The following BOD1L1 variants were observed in gnomAD, a reference collection of about 807,000 sequenced individuals.
BOD1L1 encodes biorientation of chromosomes in cell division protein 1-like 1.
In BOD1L1, 86 loss-of-function variants were observed where a neutral mutation model predicts 240.7. The observed-to-expected ratio is 0.36, with a 90% CI of 0.30 to 0.43. The LOEUF (loss-of-function observed/expected upper bound fraction) is 0.43, where lower values mean the gene tolerates loss of function less well. Ranked by LOEUF, BOD1L1 falls within the 20% of genes least tolerant of loss-of-function variation. The probability of loss-of-function intolerance (pLI) is 1.00; values close to 1 mark genes in which losing one functional copy is unlikely to be tolerated. For missense variants in BOD1L1, 3,554 were observed against 3,643.5 expected (o/e 0.98, Z 0.63); for synonymous variants, 1,268 against 1,272.3 (o/e 1.00, Z 0.07).
chr4:13,591,956 C>T lies in BOD1L1; in HGVS notation c.8115G>A (p.Gln2705=). The T allele has an allele frequency of 6.4e-7, 1 of 1,560,492 alleles. No individual in the cohort carries two copies. The highest frequency in any genetic ancestry group is 2.0e-5 in the Admixed American group (1 of 51,224). Residue 2705 remains glutamine (Q), a synonymous_variant, in exon 13 of 26, where the codon CAG becomes CAA. Transcript: ENST00000040738. ...GGKPSGIAEL[Q]REPLLVNESL... is the part of the protein sequence containing the mutation. The stretch of plus-strand genomic sequence containing the variant: ...ATTCATTCACCAACAAAGGCTCCCT[C>T]TGGAGTTCAGCTGTTCAAAAATAAA...
chr4:13,595,801 T>C, intron 12 of BOD1L1, 59 bp downstream of exon 12: 3 of 1,435,736 alleles, frequency 2.1e-6, no homozygotes. Context: ...TTTAGAAAGG[T>C]AAAACCACAT....
Position 13,613,522 on chromosome 4 carries a change from A to C in BOD1L1, c.1314T>G (p.Ile438Met). 6.2e-7 allele frequency: 1 copy of C among 1,611,116 alleles called. No individual in the cohort carries two copies. ...TGTAAAATGCTTTACCATCTGACGT[A>C]ATCTCTCCTTCTTCCATGCTATCAG... ...VTSDSMEEGE[I>M]TSDDEEKNKQ... Residue 438 changes from isoleucine to methionine, a missense_variant, in exon 5 of 26, where the codon ATT becomes ATG. Ile to Met is a conservative substitution (Grantham distance 10). This residue lies in a region of BOD1L1 where 3,393 missense variants were observed against 3,427.1 expected (regional missense o/e 0.99). Transcript: ENST00000040738. This position sits in a 1 kb window ranked among gnomAD's most constrained non-coding sequence, Gnocchi z 4.0.
Position 13,611,002 on chromosome 4 carries a change from A to G in BOD1L1, c.1423T>C (p.Tyr475His), listed in dbSNP as rs1422446571. 1.2e-6 allele frequency: 2 copies of G among 1,612,668 alleles called. No individual in the cohort carries two copies. The highest frequency in any genetic ancestry group is 1.7e-6 in the Non-Finnish European group (2 of 1,179,142). ...SVRHAYVHKP[Y>H]LYSKYYSDSD... ...TCACTATAGTATTTTGAGTAAAGAT[A>G]TGGTTTGTGGACATACGCATGCCGT... is the stretch of plus-strand genomic sequence containing the variant. The change falls in exon 6 of 26, where the codon TAT (tyrosine) becomes CAT (histidine). Residue 475 changes from tyrosine to histidine, a missense_variant. This residue lies in a region of BOD1L1 where 3,393 missense variants were observed against 3,427.1 expected (regional missense o/e 0.99). Coordinates refer to ENST00000040738, the MANE Select transcript of BOD1L1 (RefSeq NM_148894.3).
rs756166010 is a variant in BOD1L1 at position 13,581,165 on chromosome 4, G to A, written c.8635C>T (p.Arg2879Cys). Residue 2879 changes from arginine to cysteine, a missense_variant, in exon 20 of 26, where the codon CGC becomes TGC. Coordinates refer to ENST00000040738, the MANE Select transcript of BOD1L1 (RefSeq NM_148894.3). ...IIIKRKRGRP[R>C]KYPVETTLKM... ...AACGTTGTTTCTACAGGGTATTTGC[G>A]AGGTCTTCCTCTTTTCCTTTTAATA... 6 of 1,576,966 alleles carry A rather than the reference G, an allele frequency of 3.8e-6. No homozygotes were observed. The highest frequency in any genetic ancestry group is 1.3e-5 in the African/African-American group (1 of 74,372).
At chr4:13,606,606 G>A (rs1458739217) in intron 9 of BOD1L1, among the ~76,000 whole-genome samples, 1 of 152,072 alleles carries the variant, frequency 6.6e-6, no homozygotes. Context: ...AAAATATAAG[G>A]ACATGCTTAA....
In BOD1L1 at chr4:13,609,323, C is replaced by G. The variant is rs1359930261; in HGVS notation, c.1575G>C (p.Lys525Asn). The change falls in exon 7 of 26, where the codon AAG (lysine) becomes AAC (asparagine). Residue 525 changes from lysine to asparagine, a missense_variant. Physicochemically the swap from Lys to Asn is moderately conservative, Grantham distance 94. Coordinates refer to ENST00000040738, the MANE Select transcript of BOD1L1 (RefSeq NM_148894.3). ...LEEKRKQKAE[K>N]TKSSKTKGQG... ...GACCCTTGGTTTTTGAAGACTTTGT[C>G]TTTTCTGCTTTCTGTTTTCGTTTTT... 10 of 1,554,626 alleles carry G rather than the reference C, an allele frequency of 6.4e-6. No individual in the cohort carries two copies. Among genetic ancestry groups the G allele is most frequent in the Non-Finnish European group, 8.7e-6 (10 of 1,153,178 alleles).
In BOD1L1 at chr4:13,627,707, C is replaced by G. The variant is rs1362892348; in HGVS notation, c.-120G>C. The G allele has an allele frequency of 1.1e-6, 1 of 880,454 alleles. No individual in the cohort carries two copies. Among genetic ancestry groups the G allele is most frequent in the Non-Finnish European group, 1.4e-6 (1 of 728,914 alleles). 54.5% of individuals were successfully genotyped at this position (880,454 alleles called of 1,614,324 possible). A position where few individuals can be genotyped will look rare whatever the true frequency, so the allele number is the denominator to read the frequency against. Reference sequence around the variant, plus strand: ...GGATGTTGTTACGGAACCAGCGGATCCAGAGCAACCCCGGAAGTGAAAGGG... The same window carrying G: ...GGATGTTGTTACGGAACCAGCGGATGCAGAGCAACCCCGGAAGTGAAAGGG... On this transcript the variant is annotated 5_prime_UTR_variant, in exon 1 of 26. Coordinates refer to ENST00000040738, the MANE Select transcript of BOD1L1 (RefSeq NM_148894.3).
chr4:13,627,499 G>C lies in BOD1L1; in HGVS notation c.89C>G (p.Pro30Arg), dbSNP rs1173820039. The C allele has an allele frequency of 1.5e-4, 144 of 984,336 alleles. No homozygotes were observed. Among genetic ancestry groups the C allele is most frequent in the Non-Finnish European group, 1.7e-4 (141 of 826,426 alleles). 61.0% of individuals were successfully genotyped at this position (984,336 alleles called of 1,614,324 possible). A position where few individuals can be genotyped will look rare whatever the true frequency, so the allele number is the denominator to read the frequency against. Residue 30 changes from proline to arginine, a missense_variant, in exon 1 of 26, where the codon CCG (proline) becomes CGG (arginine). Around this residue, in one of 2 missense-constraint regions of BOD1L1, gnomAD observed 161 missense variants for 216.4 expected, o/e 0.74. Coordinates refer to ENST00000040738, the MANE Select transcript of BOD1L1 (RefSeq NM_148894.3). The part of the protein sequence containing the change: ...QPQPQPPPPP[P>R]GPGAGPGAGG... ...CGCGCCGGGGCCAGCCCCGGGGCCCGGCGGCGGCGGCGGTGGCTGCGGCTG... is the reference window on the plus strand; with the variant it reads ...CGCGCCGGGGCCAGCCCCGGGGCCCCGCGGCGGCGGCGGTGGCTGCGGCTG...
chr4:13,617,153 G>A (rs1716675669), intron 2 of BOD1L1, among the ~76,000 whole-genome samples: 1 of 149,222 alleles, frequency 6.7e-6, no homozygotes, highest in Non-Finnish European at 1.5e-5. Flanking sequence ...GCTGAGGCAG[G>A]AGAATTGCTG....
intron 16 of BOD1L1, among the ~76,000 whole-genome samples, chr4:13,587,106 A>C (rs908465654): frequency 4.6e-5 from 7 of 152,206 alleles, no homozygotes; most frequent in Non-Finnish European, 1.0e-4. Flanking sequence ...AGGTCACTGC[A>C]CTGTTCAACA....
Position 13,603,517 on chromosome 4 carries a change from A to G in BOD1L1, c.3383T>C (p.Val1128Ala). ...EPMEIDSEPG[V>A]ENVFEVSKTQ... ...TTTAGATACTTCAAACACATTTTCA[A>G]CACCTGGCTCAGAATCAATTTCCAT... is the stretch of plus-strand genomic sequence containing the variant. The change falls in exon 10 of 26, where the codon GTT becomes GCT. Residue 1128 changes from valine (V) to alanine (A), a missense_variant. Val to Ala is a moderately conservative substitution (Grantham distance 64, BLOSUM62 0). Around this residue, in one of 2 missense-constraint regions of BOD1L1, gnomAD observed 3,393 missense variants for 3,427.1 expected, o/e 0.99. Transcript: ENST00000040738. 6.2e-7 allele frequency: 1 copy of G among 1,613,998 alleles called. No individual in the cohort carries two copies.
chr4:13,579,893 C>G, intron 22 of BOD1L1, 35 bp downstream of exon 22: 1 of 1,524,794 alleles, frequency 6.6e-7, no homozygotes, highest in Non-Finnish European at 8.9e-7. Context: ...GCCCCTCCCT[C>G]AGATAACACA....
rs1290459816 is a variant in BOD1L1 at position 13,600,804 on chromosome 4, C to A, written c.6096G>T (p.Glu2032Asp). 6.2e-7 allele frequency: 1 copy of A among 1,613,754 alleles called. No homozygotes were observed. Among genetic ancestry groups the A allele is most frequent in the Non-Finnish European group, 8.5e-7 (1 of 1,179,864 alleles). Reference protein sequence around the residue: ...AHTSPSEKEDEDIITSVENEE... With the variant: ...AHTSPSEKEDDDIITSVENEE... ...CATTTTCTACAGAGGTGATGATGTC[C>A]TCATCTTCTTTTTCACTTGGTGATG... The change falls in exon 10 of 26, where the codon GAG (glutamate) becomes GAT (aspartate). Residue 2032 changes from glutamate to aspartate, a missense_variant. Physicochemically the swap from Glu to Asp is conservative, Grantham distance 45. Around this residue, in one of 2 missense-constraint regions of BOD1L1, gnomAD observed 3,393 missense variants for 3,427.1 expected, o/e 0.99. Coordinates refer to ENST00000040738, the MANE Select transcript of BOD1L1 (RefSeq NM_148894.3).
intron 25 of BOD1L1, among the ~76,000 whole-genome samples, chr4:13,573,519 A>ATCTATCTT (rs1553830418): frequency 3.7e-5 from 5 of 134,080 alleles, no homozygotes; most frequent in Admixed American, 7.6e-5. Flanking sequence ...CTATCTATCT[A>ATCTATCTT]TCTTTCTTTC....
At chr4:13,597,041 G>T in intron 11 of BOD1L1, 63 bp downstream of exon 11, 2 of 1,237,650 alleles carry the variant, frequency 1.6e-6, no homozygotes, top group Non-Finnish European at 2.3e-6. Flanking sequence ...ATATATATGT[G>T]TATATGTGAT....
chr4:13,605,611 A>G (rs1488505892), intron 9 of BOD1L1, among the ~76,000 whole-genome samples: 1 of 152,212 alleles, frequency 6.6e-6, no homozygotes, highest in Non-Finnish European at 1.5e-5. Flanking sequence ...ACTAATGCCC[A>G]GTACTCAATA....
In BOD1L1 at chr4:13,598,491, C is replaced by A. The variant is rs893436933; in HGVS notation, c.7954+455G>T. ...ACTGATTTTTCCTCTAAAAGTCACC[C>A]GAGGACCATGAATGCTATTTAAATT... On this transcript the variant is annotated intron_variant, in intron 10 of 25. Transcript: ENST00000040738. Among the ~76,000 whole-genome samples the A allele has an allele frequency of 7.2e-5, 11 of 152,148 alleles. 1 individual carries two copies. The highest frequency in any genetic ancestry group is 6.2e-4 in the South Asian group (3 of 4,806).
rs1326042414 is a variant in BOD1L1, at chr4:13,600,975, A to C, written c.5925T>G (p.Cys1975Trp). 1 of 1,613,782 alleles carries C rather than the reference A, an allele frequency of 6.2e-7. No individual in the cohort carries two copies. Among genetic ancestry groups the C allele is most frequent in the South Asian group, 1.1e-5 (1 of 91,064 alleles). The change falls in exon 10 of 26, where the codon TGT (cysteine) becomes TGG (tryptophan). Residue 1975 changes from cysteine to tryptophan, a missense_variant. By Grantham distance (215) the Cys-to-Trp change is radical. Around this residue, in one of 2 missense-constraint regions of BOD1L1, gnomAD observed 3,393 missense variants for 3,427.1 expected, o/e 0.99. Transcript: ENST00000040738. ...ATGCAGCACTAGTCATAGGACCCTC[A>C]CAACCTCCTGGAACTGGTGTCACTT... Reference protein sequence around the residue: ...KDEVTPVPGGCEGPMTSAASD... With the variant: ...KDEVTPVPGGWEGPMTSAASD...
chr4:13,625,772 G>C (rs928218498), intron 1 of BOD1L1: 1 of 152,012 alleles, frequency 6.6e-6, no homozygotes, highest in African/African-American at 2.4e-5. Context: ...TATTCCTGAA[G>C]ACAAAAGTAA....
Sources: gnomAD v4.1 joint callset for allele counts (sites outside exome capture counted in the v4.1 genomes callset) on GRCh38, gnomAD v4.1.1 for gene constraint, gnomAD v4.1.1 regional missense constraint, Gnocchi (gnomAD v3.1) non-coding constraint, MANE v1.5 for transcripts, NCBI Gene and HGNC (gene_info 2026-07-23, HGNC 2026-07-21) for gene names.